Variants in DIRAS2 observed in about 807,000 individuals in gnomAD.
The protein encoded by DIRAS2 is DIRAS family GTPase 2, also known as GTP-binding protein Di-Ras2.
A neutral mutation model predicts 13.9 loss-of-function variants in DIRAS2; 5 were observed. The observed-to-expected ratio is 0.36, with a 90% CI of 0.19 to 0.76. The LOEUF is 0.76. Among genes scored for constraint, DIRAS2 ranks in the 30% least tolerant of loss-of-function variants. DIRAS2 has a pLI of 0.53. For synonymous variants in DIRAS2, 111 were observed against 105.4 expected (o/e 1.05, Z -0.33); for missense variants, 191 against 263.0 (o/e 0.73, Z 1.89).
At chr9:90,634,297 G>T (rs900509845) in intron 1 of DIRAS2, among the ~76,000 whole-genome samples, 12 of 152,166 alleles carry the variant, frequency 7.9e-5, no homozygotes, top group African/African-American at 2.4e-4. Flanking sequence ...TTTCCAGGAG[G>T]TCAGAAGAGA....
In DIRAS2 at chr9:90,624,799, C is replaced by T. The variant is rs191982997; in HGVS notation, c.-36-10936G>A. On this transcript the variant is annotated intron_variant, in intron 1 of 1. Transcript: ENST00000375765. ...CGATCTCAGCTCCCTGCAACCTCTT[C>T]GGCCTCCCGGGTTCAAGCGAATCTC... is the stretch of plus-strand genomic sequence containing the variant. 1.4e-3 allele frequency among the ~76,000 whole-genome samples: 214 copies of T among 152,042 alleles called. 1 individual carries two copies. Among genetic ancestry groups the T allele is most frequent in the Non-Finnish European group, 2.1e-3 (146 of 67,974 alleles).
At chr9:90,634,787 G>T (rs1345315111) in intron 1 of DIRAS2, among the ~76,000 whole-genome samples, 1 of 152,222 alleles carries the variant, frequency 6.6e-6, no homozygotes, top group Non-Finnish European at 1.5e-5. Flanking sequence ...AGAAAGGGCT[G>T]AAGCTGAAGC....
At chr9:90,627,591 G>A (rs117535964) in intron 1 of DIRAS2, among the ~76,000 whole-genome samples, 3,922 of 152,306 alleles carry the variant, frequency 0.026, 70 homozygotes, top group South Asian at 0.051. Flanking sequence ...AAGATTCTTA[G>A]AGATGGATGG....
intron 1 of DIRAS2, among the ~76,000 whole-genome samples, chr9:90,633,462 T>C (rs1825344958): frequency 6.6e-6 from 1 of 152,150 alleles, no homozygotes; most frequent in Non-Finnish European, 1.5e-5. Context: ...GATGCAGCCC[T>C]CCAAGTGCCT....
At chr9:90,642,181 A>G (rs1825424576) in intron 1 of DIRAS2, among the ~76,000 whole-genome samples, 1 of 152,266 alleles carries the variant, frequency 6.6e-6, no homozygotes, top group African/African-American at 2.4e-5. Flanking sequence ...CAGTCTTACA[A>G]CTAAGGACTG....
At chr9:90,626,333 G>T (rs1412999009) in intron 1 of DIRAS2, among the ~76,000 whole-genome samples, 3 of 151,864 alleles carry the variant, frequency 2.0e-5, no homozygotes, top group Non-Finnish European at 4.4e-5. Flanking sequence ...GAAGTTGGGT[G>T]CAGTGGCACA....
intron 1 of DIRAS2, among the ~76,000 whole-genome samples, chr9:90,636,744 G>A (rs1825375060): frequency 6.6e-6 from 1 of 152,186 alleles, no homozygotes; most frequent in Admixed American, 6.5e-5. Context: ...GATATCAATT[G>A]ATAGCTATTT....
chr9:90,621,610 T>C (rs918243554), intron 1 of DIRAS2, among the ~76,000 whole-genome samples: 1 of 152,220 alleles, frequency 6.6e-6, no homozygotes, highest in African/African-American at 2.4e-5. Context: ...TTATAAAATG[T>C]TCTTTTATGC....
intron 1 of DIRAS2, among the ~76,000 whole-genome samples, chr9:90,626,585 G>C (rs1026806889): frequency 1.3e-5 from 2 of 152,112 alleles, no homozygotes; most frequent in African/African-American, 4.8e-5. Flanking sequence ...ATGAAGTACC[G>C]CTTCACACCC....
In DIRAS2 at chr9:90,610,426, G is replaced by A. The variant is rs766553950; in HGVS notation, c.*2802C>T. On this transcript the variant is annotated 3_prime_UTR_variant, in exon 2 of 2. Coordinates refer to ENST00000375765, the MANE Select transcript of DIRAS2 (RefSeq NM_017594.5). Reference sequence around the variant, plus strand: ...ATTGTATGCATGCCCATGGCTTGTCGCTGGATGGAGGAGGGGCTCATGGGG... The same window carrying A: ...ATTGTATGCATGCCCATGGCTTGTCACTGGATGGAGGAGGGGCTCATGGGG... The A allele has an allele frequency of 1.3e-5, 5 of 398,778 alleles. No individual in the cohort carries two copies. Among genetic ancestry groups the A allele is most frequent in the Admixed American group, 8.8e-5 (2 of 22,688 alleles). 24.7% of individuals were successfully genotyped at this position (398,778 alleles called of 1,614,324 possible).
chr9:90,624,487 T>C (rs1825249491), intron 1 of DIRAS2, among the ~76,000 whole-genome samples: 1 of 152,220 alleles, frequency 6.6e-6, no homozygotes, highest in Non-Finnish European at 1.5e-5. Flanking sequence ...GCTGCTCATT[T>C]CAAGATGCAT....
At chr9:90,614,306 A>ATGTG (rs34548591) in intron 1 of DIRAS2, among the ~76,000 whole-genome samples, 9,036 of 134,788 alleles carry the variant, frequency 0.067, 315 homozygotes, top group Non-Finnish European at 0.082. Context: ...GGTCATCATA[A>ATGTG]TGTGTGTGTG....
chr9:90,628,522 T>C (rs983242000), intron 1 of DIRAS2, among the ~76,000 whole-genome samples: 5 of 149,154 alleles, frequency 3.4e-5, no homozygotes, highest in African/African-American at 7.5e-5. Context: ...ACAAAATTTA[T>C]ACACACACAC....
chr9:90,613,055 G>T lies in DIRAS2; in HGVS notation c.*173C>A. 2 of 852,132 alleles carry T rather than the reference G, an allele frequency of 2.3e-6. No homozygotes were observed. The highest frequency in any genetic ancestry group is 3.5e-6 in the Non-Finnish European group (2 of 566,148). The allele number at this position is 852,132 out of a possible 1,614,324, so 52.8% of individuals were successfully genotyped here. On this transcript the variant is annotated 3_prime_UTR_variant, in exon 2 of 2. Coordinates refer to ENST00000375765, the MANE Select transcript of DIRAS2 (RefSeq NM_017594.5). This position sits in a 1 kb window ranked among gnomAD's most constrained non-coding sequence, Gnocchi z 5.6. Reference sequence around the variant, plus strand: ...GGCAGATTCTGTGACTCCAGAGTGGGTGGCTTACTGTTGGTGGTGTGAAAC... The same window carrying T: ...GGCAGATTCTGTGACTCCAGAGTGGTTGGCTTACTGTTGGTGGTGTGAAAC...
intron 1 of DIRAS2, among the ~76,000 whole-genome samples, chr9:90,637,152 C>T (rs546757935): frequency 2.6e-5 from 4 of 152,218 alleles, no homozygotes; most frequent in Middle Eastern, 3.4e-3. Context: ...CAGTTTCTAC[C>T]GAATGTATGT....
intron 1 of DIRAS2, among the ~76,000 whole-genome samples, chr9:90,634,896 C>T (rs764043436): frequency 1.3e-5 from 2 of 152,294 alleles, no homozygotes; most frequent in Admixed American, 1.3e-4. Flanking sequence ...GAAAGAGGAA[C>T]CACTCAAATA....
intron 1 of DIRAS2, chr9:90,626,180 C>CA (rs59003707): frequency 0.098 from 10,001 of 101,596 alleles, 451 homozygotes; most frequent in African/African-American, 0.13. Context: ...GAGACTCTGT[C>CA]AAAAAAAAAA....
intron 1 of DIRAS2, among the ~76,000 whole-genome samples, chr9:90,629,855 T>C (rs1220507097): frequency 6.6e-6 from 1 of 152,168 alleles, no homozygotes; most frequent in Non-Finnish European, 1.5e-5. Context: ...TTTTTTCAAC[T>C]GATTGAATCT....
At chr9:90,641,618 T>A (rs1377922458) in intron 1 of DIRAS2, among the ~76,000 whole-genome samples, 1 of 152,092 alleles carries the variant, frequency 6.6e-6, no homozygotes, top group African/African-American at 2.4e-5. Flanking sequence ...CCCCTACAAA[T>A]TTGTTAAATT....
Sources: allele counts gnomAD v4.1 joint callset (sites outside exome capture counted in the v4.1 genomes callset), GRCh38; gene constraint gnomAD v4.1.1; non-coding constraint Gnocchi (gnomAD v3.1); transcripts MANE v1.5; gene names NCBI Gene and HGNC (gene_info 2026-07-23, HGNC 2026-07-21).